DGKK: variants seen among roughly 807,000 people sequenced by gnomAD.
DGKK encodes diacylglycerol kinase kappa.
Under a neutral mutation model 92.2 loss-of-function variants are expected in DGKK, and 35 were observed. The ratio of observed to expected loss-of-function variants is 0.38; its 90% confidence interval spans 0.29 to 0.50. The LOEUF (loss-of-function observed/expected upper bound fraction) is 0.50, where lower values mean the gene tolerates loss of function less well. Ranked by LOEUF, DGKK falls within the 20% of genes least tolerant of loss-of-function variation. DGKK has a pLI of 0.92. For synonymous variants in DGKK, 368 were observed against 360.6 expected, an observed-to-expected ratio of 1.02 and a Z score of -0.23; for missense variants, 910 against 992.2, an observed-to-expected ratio of 0.92 and a Z score of 1.11.
At chrX:50,438,971 C>G (rs1182242223) in intron 1 of DGKK, among the ~76,000 whole-genome samples, 1 of 111,472 alleles carries the variant, frequency 9.0e-6, no homozygotes, top group East Asian at 2.8e-4. Flanking sequence ...AGGCAAACCT[C>G]AGCATAAAAC....
At chrX:50,404,353 T>C (rs1473135067) in intron 4 of DGKK, among the ~76,000 whole-genome samples, 169 bp from the exon 5 acceptor site, 1 of 110,499 alleles carries the variant, frequency 9.0e-6, no homozygotes, top group Non-Finnish European at 1.9e-5. Flanking sequence ...GGATACTTTG[T>C]GTGCGTTTTT....
At chrX:50,371,285 A>G (rs1924118263) in intron 26 of DGKK, among the ~76,000 whole-genome samples, 1 of 112,032 alleles carries the variant, frequency 8.9e-6, no homozygotes, top group South Asian at 3.8e-4. Context: ...TTTAACCACC[A>G]GTATGGCCTG....
At chrX:50,423,718 G>T (rs554366723) in intron 2 of DGKK, among the ~76,000 whole-genome samples, 30 of 111,655 alleles carry the variant, frequency 2.7e-4, no homozygotes, top group South Asian at 2.6e-3. Flanking sequence ...AACACAAATT[G>T]TATAATTTTA....
At chrX:50,395,030 G>A (rs1038099740) in intron 8 of DGKK, among the ~76,000 whole-genome samples, 9 of 110,414 alleles carry the variant, frequency 8.2e-5, no homozygotes, top group African/African-American at 3.0e-4. Flanking sequence ...TGAGTGGGGG[G>A]GGAGTGGCAG....
chrX:50,375,003 C>G lies in DGKK; in HGVS notation c.3469G>C (p.Asp1157His). Residue 1157 changes from aspartate to histidine, a missense_variant, in exon 25 of 28, where the codon GAT becomes CAT. Coordinates refer to ENST00000611977, the MANE Select transcript of DGKK (RefSeq NM_001013742.4). ...TCATCCAGGAAAGCTGTGGTGTCATCGTAGAGACCTTTAAGACTAAATGTA... is the reference window on the plus strand; with the variant it reads ...TCATCCAGGAAAGCTGTGGTGTCATGGTAGAGACCTTTAAGACTAAATGTA... ...DVTFSLKGLYDDTTAFLDEKL... is the reference protein window; with the variant it reads ...DVTFSLKGLYHDTTAFLDEKL... 8.3e-7 allele frequency: 1 copy of G among 1,209,592 alleles called. No homozygotes were observed. Among genetic ancestry groups the G allele is most frequent in the Non-Finnish European group, 1.1e-6 (1 of 894,282 alleles).
chrX:50,456,007 C>A (rs1182552943), intron 1 of DGKK, among the ~76,000 whole-genome samples: 1 of 112,025 alleles, frequency 8.9e-6, no homozygotes, highest in African/African-American at 3.2e-5. Flanking sequence ...AGACATGACA[C>A]CCTCATATAG....
intron 1 of DGKK, among the ~76,000 whole-genome samples, chrX:50,445,639 T>C (rs1602299316): frequency 1.8e-5 from 2 of 111,467 alleles, no homozygotes; most frequent in Admixed American, 9.6e-5. Context: ...CGTTGGTCTA[T>C]GTGTCTGTTT....
At chrX:50,402,645 A>G (rs1224239165) in intron 7 of DGKK, among the ~76,000 whole-genome samples, 1 of 111,522 alleles carries the variant, frequency 9.0e-6, no homozygotes, top group African/African-American at 3.3e-5. Flanking sequence ...TATATTAAGC[A>G]CTCAGTATAT....
At chrX:50,375,175 A>G in intron 24 of DGKK, 118 bp from the exon 25 acceptor site, 1 of 498,218 alleles carries the variant, frequency 2.0e-6, no homozygotes. Context: ...GGATGTGGCT[A>G]TAGGTGAAAA....
chrX:50,469,399 C>G (rs1441227087), intron 1 of DGKK, among the ~76,000 whole-genome samples: 3 of 113,000 alleles, frequency 2.7e-5, no homozygotes, highest in Non-Finnish European at 5.6e-5. Flanking sequence ...TCTCCCCCTC[C>G]TCCCGGAGAA....
intron 1 of DGKK, among the ~76,000 whole-genome samples, chrX:50,456,640 T>C (rs1405714221): frequency 8.9e-6 from 1 of 111,922 alleles, no homozygotes; most frequent in East Asian, 2.8e-4. Flanking sequence ...TTTTGGATTT[T>C]TTTAAGAACT....
chrX:50,446,239 G>A (rs57583747), intron 1 of DGKK, among the ~76,000 whole-genome samples: 4,138 of 111,012 alleles, frequency 0.037, 205 homozygotes, highest in African/African-American at 0.13. Context: ...AGGATGGTCT[G>A]ACTTCCTCTC....
intron 1 of DGKK, among the ~76,000 whole-genome samples, chrX:50,458,136 C>T (rs1019366733): frequency 1.8e-5 from 2 of 111,470 alleles, no homozygotes; most frequent in African/African-American, 6.5e-5. Flanking sequence ...ACACACTCTC[C>T]TCTTAGCCTA....
chrX:50,468,508 C>T (rs1926966945), intron 1 of DGKK, among the ~76,000 whole-genome samples: 1 of 111,539 alleles, frequency 9.0e-6, no homozygotes, highest in South Asian at 3.9e-4. Context: ...GGGATACATC[C>T]CCTGGTGAGA....
chrX:50,410,711 T>A (rs1925282412), intron 4 of DGKK, among the ~76,000 whole-genome samples: 1 of 111,148 alleles, frequency 9.0e-6, no homozygotes, highest in Non-Finnish European at 1.9e-5. Flanking sequence ...ATGGTAAGAG[T>A]AATGGTTCTC....
chrX:50,375,403 A>G (rs1265953376), intron 24 of DGKK, among the ~76,000 whole-genome samples: 1 of 111,657 alleles, frequency 9.0e-6, no homozygotes, highest in African/African-American at 3.3e-5. Flanking sequence ...CCTAGGCCAA[A>G]ACCATCATTC....
Position 50,392,334 on chromosome X carries a change from G to A in DGKK, c.1704+7C>T, listed in dbSNP as rs782643658. The A allele has an allele frequency of 4.2e-6, 5 of 1,186,039 alleles. No individual in the cohort carries two copies. The South Asian group carries it at 8.9e-5, about 21-fold the overall frequency. ...CAATGGCTAAACTGAGTCATCCAGGGACTTACCTTTTCATGTAATCCAAAG... is the reference window on the plus strand; with the variant it reads ...CAATGGCTAAACTGAGTCATCCAGGAACTTACCTTTTCATGTAATCCAAAG... On this transcript the variant is annotated splice_region_variant and intron_variant, in intron 10 of 27. Coordinates refer to ENST00000611977, the MANE Select transcript of DGKK (RefSeq NM_001013742.4).
At chrX:50,462,862 A>AT (rs1175642649) in intron 1 of DGKK, among the ~76,000 whole-genome samples, 1 of 70,802 alleles carries the variant, frequency 1.4e-5, no homozygotes, top group Non-Finnish European at 2.8e-5. Flanking sequence ...TCCTGGAAAG[A>AT]TTTTCTTTTC....
chrX:50,428,665 CATG>C (rs1486646549), intron 1 of DGKK, among the ~76,000 whole-genome samples: 2 of 111,552 alleles, frequency 1.8e-5, no homozygotes, highest in African/African-American at 6.5e-5. Flanking sequence ...TCGCAGGGTG[CATG>C]ATAAGAGTTC....
Sources: allele counts gnomAD v4.1 joint callset (sites outside exome capture counted in the v4.1 genomes callset), GRCh38; gene constraint gnomAD v4.1.1; transcripts MANE v1.5; gene names NCBI Gene and HGNC (gene_info 2026-07-23, HGNC 2026-07-21).